The following CSMD3 variants were observed in gnomAD, a reference collection of about 807,000 sequenced individuals.
The protein encoded by CSMD3 is CUB and sushi domain-containing protein 3.
A neutral mutation model predicts 435.2 loss-of-function variants in CSMD3; 177 were observed. The ratio of observed to expected loss-of-function variants is 0.41; its 90% CI spans 0.36 to 0.46. CSMD3 has a LOEUF of 0.46. CSMD3 is among the 20% of genes least tolerant of loss of function. The probability of loss-of-function intolerance (pLI) is 0.34; values close to 1 mark genes in which losing one functional copy is unlikely to be tolerated. For synonymous variants in CSMD3, 1,656 were observed against 1,520.5 expected (o/e 1.09, Z -2.07); for missense variants, 4,265 against 4,504.6 (o/e 0.95, Z 1.52).
intron 13 of CSMD3, among the ~76,000 whole-genome samples, chr8:112,759,451 C>T (rs2077780470): frequency 6.6e-6 from 1 of 152,000 alleles, no homozygotes; most frequent in South Asian, 2.1e-4. Flanking sequence ...AGATTTGAGT[C>T]TTGAGACTGA....
chr8:112,631,840 C>T (rs554273455), intron 22 of CSMD3, among the ~76,000 whole-genome samples: 11 of 151,888 alleles, frequency 7.2e-5, no homozygotes, highest in Non-Finnish European at 1.2e-4. Context: ...CTGGCATCAT[C>T]CTTTCCAGAA....
At chr8:112,986,348 A>T (rs190824313) in intron 6 of CSMD3, among the ~76,000 whole-genome samples, 1 of 152,286 alleles carries the variant, frequency 6.6e-6, no homozygotes, top group East Asian at 1.9e-4. Context: ...AGTAAAAACT[A>T]GTAACAAATA....
chr8:112,580,090 G>A (rs935869081), intron 23 of CSMD3, among the ~76,000 whole-genome samples: 3 of 151,904 alleles, frequency 2.0e-5, no homozygotes, highest in African/African-American at 4.8e-5. Context: ...AACAAACACA[G>A]CAACAATGAA....
At chr8:113,279,474 A>T (rs1254899982) in intron 2 of CSMD3, among the ~76,000 whole-genome samples, 1 of 151,684 alleles carries the variant, frequency 6.6e-6, no homozygotes. Context: ...TGTATTAAAT[A>T]ATATTTGAAG....
At chr8:113,185,292 C>T (rs892779719) in intron 3 of CSMD3, among the ~76,000 whole-genome samples, 3 of 151,476 alleles carry the variant, frequency 2.0e-5, no homozygotes, top group African/African-American at 7.3e-5. Context: ...GGACCACTTA[C>T]CAAGTAAGGA....
intron 32 of CSMD3, among the ~76,000 whole-genome samples, chr8:112,430,983 G>A (rs903866727): frequency 6.6e-6 from 1 of 151,854 alleles, no homozygotes; most frequent in Admixed American, 6.6e-5. Flanking sequence ...TTATTTCTGT[G>A]ATTTAATGCT....
intron 13 of CSMD3, among the ~76,000 whole-genome samples, chr8:112,762,937 G>T (rs1325088659): frequency 6.6e-6 from 1 of 151,660 alleles, no homozygotes; most frequent in African/African-American, 2.4e-5. Flanking sequence ...TTGGTCAAAG[G>T]ATGCAAAGTT....
intron 32 of CSMD3, among the ~76,000 whole-genome samples, chr8:112,446,728 G>T (rs1396546876): frequency 6.6e-6 from 1 of 152,120 alleles, no homozygotes; most frequent in African/African-American, 2.4e-5. Flanking sequence ...TGCATAAAAT[G>T]ACTTCAATAT....
chr8:112,290,191 G>C (rs951493863), intron 56 of CSMD3, among the ~76,000 whole-genome samples: 1 of 152,050 alleles, frequency 6.6e-6, no homozygotes, highest in African/African-American at 2.4e-5. Context: ...ATGAGTGATA[G>C]GTAGTTTCAG....
At chr8:112,474,714 G>A (rs1027533737) in intron 31 of CSMD3, among the ~76,000 whole-genome samples, 1 of 152,078 alleles carries the variant, frequency 6.6e-6, no homozygotes, top group African/African-American at 2.4e-5. Context: ...GTTTGAAAAA[G>A]TAAAAATTTG....
At chr8:112,461,620 G>C (rs1817454589) in intron 32 of CSMD3, among the ~76,000 whole-genome samples, 2 of 152,018 alleles carry the variant, frequency 1.3e-5, no homozygotes, top group African/African-American at 2.4e-5. Flanking sequence ...CATTTGTAAT[G>C]AATTGAAAAA....
At chr8:112,370,955 T>C (rs999438313) in intron 38 of CSMD3, among the ~76,000 whole-genome samples, 1 of 152,182 alleles carries the variant, frequency 6.6e-6, no homozygotes, top group Admixed American at 6.6e-5. Flanking sequence ...AAGGAAATGA[T>C]ACCAGAATTC....
At chr8:112,556,612 AT>A in intron 25 of CSMD3, 150 bp downstream of exon 25, 1 of 624,704 alleles carries the variant, frequency 1.6e-6, no homozygotes, top group African/African-American at 1.8e-5. Flanking sequence ...TTTTCCATTA[AT>A]TTTCTTTTGA....
rs1351327407 is a variant in CSMD3, at chr8:112,624,263, T to C, written c.3715+12554A>G. 2.6e-5 allele frequency among the ~76,000 whole-genome samples: 4 copies of C among 152,222 alleles called. No homozygotes were observed. The East Asian group carries it at 5.8e-4, about 22-fold the overall frequency. On this transcript the variant is annotated intron_variant, in intron 22 of 70. Coordinates refer to ENST00000297405, the MANE Select transcript of CSMD3 (RefSeq NM_198123.2). ...AAATTTGGCAATGACTTAAATATTA[T>C]AGAAATCGATATCCTGAAATTCAGT...
intron 3 of CSMD3, among the ~76,000 whole-genome samples, chr8:113,225,374 C>A (rs1256611647): frequency 6.6e-6 from 1 of 151,462 alleles, no homozygotes; most frequent in Non-Finnish European, 1.5e-5. Flanking sequence ...TGTTTCTGCT[C>A]TCCTTTCTAC....
chr8:113,382,177 T>C (rs1453007270), intron 1 of CSMD3, among the ~76,000 whole-genome samples: 5 of 152,166 alleles, frequency 3.3e-5, no homozygotes, highest in Non-Finnish European at 5.9e-5. Flanking sequence ...AAAGATATTT[T>C]GTATGCATTG....
chr8:113,042,156 C>A (rs1322309082), intron 5 of CSMD3, among the ~76,000 whole-genome samples: 1 of 152,074 alleles, frequency 6.6e-6, no homozygotes, highest in Non-Finnish European at 1.5e-5. Context: ...TTATGTCCAC[C>A]TGCATTTGTT....
intron 3 of CSMD3, among the ~76,000 whole-genome samples, chr8:113,195,127 A>G (rs1564413540): frequency 6.6e-6 from 1 of 151,180 alleles, no homozygotes; most frequent in Non-Finnish European, 1.5e-5. Context: ...TATATCTGCA[A>G]AAGCAAGTGA....
chr8:112,578,990 C>A (rs1830145184), intron 23 of CSMD3, among the ~76,000 whole-genome samples: 1 of 151,912 alleles, frequency 6.6e-6, no homozygotes, highest in Non-Finnish European at 1.5e-5. Context: ...TTGATTTTTA[C>A]AGAATGCTTT....
Sources: allele counts gnomAD v4.1 joint callset (sites outside exome capture counted in the v4.1 genomes callset), GRCh38; gene constraint gnomAD v4.1.1; transcripts MANE v1.5; gene names NCBI Gene and HGNC (gene_info 2026-07-23, HGNC 2026-07-21).